The following COP1 variants were observed in gnomAD, a reference collection of about 807,000 sequenced individuals.
COP1 encodes the protein COP1 E3 ubiquitin ligase, also known as E3 ubiquitin-protein ligase COP1.
A neutral mutation model predicts 101.3 loss-of-function variants in COP1; 24 were observed. That is an observed-to-expected ratio of 0.24 (90% CI 0.17 to 0.33). The LOEUF is 0.33. Among genes scored for constraint, COP1 ranks in the 10% least tolerant of loss-of-function variants. The pLI is 1.00. For synonymous variants in COP1, 347 were observed against 341.9 expected (o/e 1.01, Z -0.17); for missense variants, 663 against 906.2 (o/e 0.73, Z 3.45).
chr1:176,014,744 A>T (rs778334865), intron 15 of COP1, among the ~76,000 whole-genome samples: 4 of 152,180 alleles, frequency 2.6e-5, no homozygotes, highest in African/African-American at 7.2e-5. Flanking sequence ...ATGTGTGTGT[A>T]TGTATACATA....
chr1:176,115,170 C>T (rs922416506), intron 9 of COP1, among the ~76,000 whole-genome samples: 3 of 152,092 alleles, frequency 2.0e-5, no homozygotes, highest in Non-Finnish European at 1.5e-5. Context: ...AAAACGTGGC[C>T]GGGAGTGGTG....
chr1:176,148,892 T>C, intron 6 of COP1, 114 bp downstream of exon 6: 2 of 642,718 alleles, frequency 3.1e-6, no homozygotes, highest in Non-Finnish European at 5.2e-6. Flanking sequence ...TCCTAAAAAT[T>C]CAAATGCTTT....
intron 3 of COP1, among the ~76,000 whole-genome samples, chr1:176,167,785 T>C (rs1464514422): frequency 6.6e-6 from 1 of 152,188 alleles, no homozygotes; most frequent in Non-Finnish European, 1.5e-5. Context: ...CCACTTTGGC[T>C]GTATAACTTG....
At chr1:176,046,815 G>A (rs1307111460) in intron 11 of COP1, among the ~76,000 whole-genome samples, 2 of 151,934 alleles carry the variant, frequency 1.3e-5, no homozygotes. Flanking sequence ...GTGATGACAA[G>A]GGGATGGAAT....
chr1:176,054,913 A>C (rs1313482884), intron 11 of COP1, among the ~76,000 whole-genome samples: 2 of 152,218 alleles, frequency 1.3e-5, no homozygotes, highest in South Asian at 2.1e-4. Context: ...AACTCACTGG[A>C]ATCAAGCTTT....
chr1:176,126,685 C>T (rs1464821351), intron 8 of COP1, among the ~76,000 whole-genome samples: 1 of 152,144 alleles, frequency 6.6e-6, no homozygotes, highest in East Asian at 1.9e-4. Context: ...ATCTCTTGAC[C>T]TTGTGATCCG....
intron 11 of COP1, among the ~76,000 whole-genome samples, chr1:176,058,135 T>TG (rs1269113035): frequency 0.19 from 13,157 of 67,970 alleles, 1,613 homozygotes; most frequent in Middle Eastern, 0.32. Context: ...GGAGGTGGGG[T>TG]GGGGGGGGGG....
intron 18 of COP1, among the ~76,000 whole-genome samples, chr1:175,959,562 C>T (rs1040526169): frequency 5.3e-5 from 8 of 151,800 alleles, no homozygotes; most frequent in African/African-American, 1.5e-4. Flanking sequence ...ATCCAAGGAA[C>T]GTAGAAATGA....
chr1:176,152,972 T>C (rs1172943803), intron 5 of COP1, among the ~76,000 whole-genome samples: 2 of 152,152 alleles, frequency 1.3e-5, no homozygotes, highest in Non-Finnish European at 2.9e-5. Context: ...TCTGCTTGTA[T>C]AGACAACAGA....
intron 15 of COP1, among the ~76,000 whole-genome samples, chr1:176,027,312 T>C (rs773522179): frequency 6.6e-6 from 1 of 152,214 alleles, no homozygotes; most frequent in Non-Finnish European, 1.5e-5. Flanking sequence ...TAAGCATTAA[T>C]TCATGCATAT....
chr1:176,013,702 ATTAT>A (rs1236941997), intron 15 of COP1, among the ~76,000 whole-genome samples: 1 of 152,214 alleles, frequency 6.6e-6, no homozygotes, highest in Non-Finnish European at 1.5e-5. Flanking sequence ...TGTTTCATAT[ATTAT>A]TTATACAAAA....
At chr1:176,160,529 A>C (rs1694164867) in intron 5 of COP1, among the ~76,000 whole-genome samples, 1 of 152,124 alleles carries the variant, frequency 6.6e-6, no homozygotes, top group Non-Finnish European at 1.5e-5. Context: ...CATCTGACAA[A>C]GATCTAATAT....
intron 10 of COP1, among the ~76,000 whole-genome samples, chr1:176,085,157 T>A (rs1679906937): frequency 6.6e-6 from 1 of 152,156 alleles, no homozygotes; most frequent in South Asian, 2.1e-4. Context: ...TTTCTAAGTA[T>A]CTTTTTCAGT....
chr1:176,108,003 A>G (rs1684613773), intron 9 of COP1, among the ~76,000 whole-genome samples: 1 of 148,506 alleles, frequency 6.7e-6, no homozygotes, highest in Admixed American at 6.9e-5. Flanking sequence ...AATAAATGCA[A>G]CAAGTCATTC....
chr1:176,035,405 A>G (rs931446096), intron 14 of COP1, among the ~76,000 whole-genome samples: 1 of 152,040 alleles, frequency 6.6e-6, no homozygotes, highest in African/African-American at 2.4e-5. Flanking sequence ...TCTATGAGAC[A>G]GAACGAAAGG....
intron 15 of COP1, among the ~76,000 whole-genome samples, chr1:176,014,288 T>C (rs1320976762): frequency 6.6e-6 from 1 of 152,228 alleles, no homozygotes; most frequent in Middle Eastern, 3.2e-3. Context: ...CAATCATCAG[T>C]GTGTCAAGCA....
chr1:176,175,165 T>C (rs1029024570), intron 3 of COP1, among the ~76,000 whole-genome samples: 5 of 152,170 alleles, frequency 3.3e-5, no homozygotes, highest in African/African-American at 1.2e-4. Context: ...CAAGTTTTTT[T>C]GTCCCCTTGC....
At chr1:176,102,183 G>T (rs1185159023) in intron 9 of COP1, among the ~76,000 whole-genome samples, 1 of 152,126 alleles carries the variant, frequency 6.6e-6, no homozygotes, top group Non-Finnish European at 1.5e-5. Flanking sequence ...GTCCCTGGGT[G>T]GTGACCTGGG....
chr1:175,966,731 G>A (rs540973867), intron 18 of COP1, among the ~76,000 whole-genome samples: 1 of 152,174 alleles, frequency 6.6e-6, no homozygotes, highest in Non-Finnish European at 1.5e-5. Flanking sequence ...CATTTCAAAT[G>A]TCATAAACCT....
Sources: gnomAD v4.1 joint callset for allele counts (sites outside exome capture counted in the v4.1 genomes callset) on GRCh38, gnomAD v4.1.1 for gene constraint, MANE v1.5 for transcripts, NCBI Gene and HGNC (gene_info 2026-07-23, HGNC 2026-07-21) for gene names.